Variants in PLIN1 observed in about 807,000 individuals in gnomAD.
PLIN1 encodes perilipin 1.
A neutral mutation model predicts 45.8 loss-of-function variants in PLIN1; 37 were observed. The observed-to-expected ratio is 0.81, with a 90% confidence interval of 0.62 to 1.06. The LOEUF (loss-of-function observed/expected upper bound fraction) is 1.06. Ranked by LOEUF, PLIN1 falls within the 50% of genes least tolerant of loss-of-function variation. The pLI, the probability that PLIN1 is intolerant of heterozygous loss-of-function variation, is 0.00. For missense variants in PLIN1, 776 were observed against 716.5 expected, an observed-to-expected ratio of 1.08 and a Z score of -0.95; for synonymous variants, 340 against 309.2, an observed-to-expected ratio of 1.10 and a Z score of -1.05.
Position 89,677,585 on chromosome 15 carries a change from C to T in PLIN1, c.-14-82G>A. On this transcript the variant is annotated intron_variant, in intron 1 of 8. Transcript: ENST00000300055. Reference sequence around the variant, plus strand: ...TCACTTCCCTACCTCTCATGGCCACCAACTAGGCCCAGGCTGCCTGGGGGC... The same window carrying T: ...TCACTTCCCTACCTCTCATGGCCACTAACTAGGCCCAGGCTGCCTGGGGGC... The T allele has an allele frequency of 7.7e-6, 9 of 1,161,394 alleles. No homozygotes were observed. The South Asian group carries it at 9.7e-5, about 13-fold the overall frequency. 71.9% of individuals were successfully genotyped at this position (1,161,394 alleles called of 1,614,324 possible).
In PLIN1 at chr15:89,665,748, C is replaced by A. The variant is rs778003887; in HGVS notation, c.1404G>T (p.Pro468=). Residue 468 remains proline, a synonymous_variant, in exon 9 of 9, where the codon CCG becomes CCT. Coordinates refer to ENST00000300055, the MANE Select transcript of PLIN1 (RefSeq NM_002666.5). The stretch of plus-strand genomic sequence containing the variant: ...GCGTGGCGACTTCGTCCTCCAGGCC[C>A]GGGCCGGGGGGCGCGCCGGGGCTCT... ...SAQSPGAPPG[P]GLEDEVATPA... is the part of the protein sequence containing the mutation. 5.2e-6 allele frequency: 7 copies of A among 1,350,112 alleles called. No homozygotes were observed. In the African/African-American group the frequency reaches 9.2e-5, roughly 18 times the overall value. 83.6% of individuals were successfully genotyped at this position (1,350,112 alleles called of 1,614,324 possible).
chr15:89,673,447 A>G lies in PLIN1; in HGVS notation c.46-33T>C, dbSNP rs1304988183. On this transcript the variant is annotated intron_variant, in intron 2 of 8. Coordinates refer to ENST00000300055, the MANE Select transcript of PLIN1 (RefSeq NM_002666.5). ...GGAAGGAACACATTCAAGTTGTCCCACCTCCCTCTCCAGCCTCCCGGGAAG... is the reference window on the plus strand; with the variant it reads ...GGAAGGAACACATTCAAGTTGTCCCGCCTCCCTCTCCAGCCTCCCGGGAAG... 2.0e-6 allele frequency: 3 copies of G among 1,538,288 alleles called. No homozygotes were observed. In the African/African-American group the frequency reaches 4.1e-5, roughly 21 times the overall value.
At chr15:89,666,363 A>G (rs1964340275) in intron 8 of PLIN1, among the ~76,000 whole-genome samples, 1 of 151,824 alleles carries the variant, frequency 6.6e-6, no homozygotes, top group African/African-American at 2.4e-5. Flanking sequence ...TGACTGAGTA[A>G]CCCACCCCCT....
At chr15:89,671,709 C>T in intron 3 of PLIN1, 145 bp from the exon 4 acceptor site, 1 of 711,114 alleles carries the variant, frequency 1.4e-6, no homozygotes, top group Non-Finnish European at 2.6e-6. Context: ...AGGCCCTTTG[C>T]CCTCTTTCGC....
In PLIN1 at chr15:89,667,590, T is replaced by A. The variant is rs770220023; in HGVS notation, c.963+12A>T. On this transcript the variant is annotated intron_variant, in intron 7 of 8. Coordinates refer to ENST00000300055, the MANE Select transcript of PLIN1 (RefSeq NM_002666.5). The stretch of plus-strand genomic sequence containing the variant: ...GGCTGGGGGACCTTGAGGCTCCCAC[T>A]CTCCCCCTCACCTCACTGAACTTGT... 9 of 1,613,978 alleles carry A rather than the reference T, an allele frequency of 5.6e-6. No individual in the cohort carries two copies. The highest frequency in any genetic ancestry group is 7.6e-6 in the Non-Finnish European group (9 of 1,179,954).
Position 89,677,507 on chromosome 15 carries a change from C to A in PLIN1, c.-14-4G>T. ...ACTGCCATCCTCGCTCCTCAAGCTG[C>A]AAAACAGAGTCCCAGGTCCCATCAG... On this transcript the variant is annotated splice_polypyrimidine_tract_variant and splice_region_variant and intron_variant, in intron 1 of 8. Coordinates refer to ENST00000300055, the MANE Select transcript of PLIN1 (RefSeq NM_002666.5). The A allele has an allele frequency of 6.8e-6, 11 of 1,613,652 alleles. No homozygotes were observed. The highest frequency in any genetic ancestry group is 8.5e-6 in the Non-Finnish European group (10 of 1,179,580).
intron 3 of PLIN1, among the ~76,000 whole-genome samples, 183 bp from the exon 4 acceptor site, chr15:89,671,747 C>T (rs555079400): frequency 3.3e-5 from 5 of 152,242 alleles, no homozygotes; most frequent in African/African-American, 1.2e-4. Flanking sequence ...CCTCAAGACC[C>T]GGGCCAGTTT....
In PLIN1 at chr15:89,677,519, C is replaced by T; in HGVS notation, c.-14-16G>A. On this transcript the variant is annotated splice_polypyrimidine_tract_variant and intron_variant, in intron 1 of 8. Coordinates refer to ENST00000300055, the MANE Select transcript of PLIN1 (RefSeq NM_002666.5). ...GCTCCTCAAGCTGCAAAACAGAGTC[C>T]CAGGTCCCATCAGAAGCCCTCAGGC... 6.2e-7 allele frequency: 1 copy of T among 1,612,046 alleles called. No individual in the cohort carries two copies. Among genetic ancestry groups the T allele is most frequent in the Non-Finnish European group, 8.5e-7 (1 of 1,178,170 alleles).
chr15:89,670,118 A>G lies in PLIN1; in HGVS notation c.460T>C (p.Trp154Arg), dbSNP rs1377454816. 2.5e-6 allele frequency: 4 copies of G among 1,614,030 alleles called. No homozygotes were observed. In the South Asian group the frequency reaches 4.4e-5, roughly 18 times the overall value. ...GAALAGCELA[W>R]GVARDTAEFA... ...TCCGCAGTGTCTCTGGCCACCCCCC[A>G]GGCAAGCTCGCACCCGGCCAAAGCG... Residue 154 changes from tryptophan (W) to arginine (R), a missense_variant, in exon 5 of 9, where the codon TGG becomes CGG. Coordinates refer to ENST00000300055, the MANE Select transcript of PLIN1 (RefSeq NM_002666.5).
chr15:89,667,722 T>C lies in PLIN1; in HGVS notation c.843A>G (p.Val281=). 4 of 1,576,142 alleles carry C rather than the reference T, an allele frequency of 2.5e-6. No individual in the cohort carries two copies. Among genetic ancestry groups the C allele is most frequent in the Non-Finnish European group, 3.4e-6 (4 of 1,160,940 alleles). Residue 281 remains valine (V), a synonymous_variant, in exon 7 of 9, where the codon GTA becomes GTG. Coordinates refer to ENST00000300055, the MANE Select transcript of PLIN1 (RefSeq NM_002666.5). ...CGGCTGCGAGGCTGTGCAGCCAGGG[T>C]ACCCGCACTTCGCTCCTCCGCCGGG... ...AVSRRRSEVR[V]PWLHSLAAAQ... is the part of the protein sequence containing the mutation.
chr15:89,676,215 G>A (rs1964512660), intron 2 of PLIN1, among the ~76,000 whole-genome samples: 1 of 152,060 alleles, frequency 6.6e-6, no homozygotes, highest in Non-Finnish European at 1.5e-5. Flanking sequence ...CACTAAGACA[G>A]AGCAGCCCAC....
chr15:89,677,401 C>G, intron 2 of PLIN1, 44 bp downstream of exon 2: 2 of 1,508,100 alleles, frequency 1.3e-6, no homozygotes, highest in Non-Finnish European at 1.8e-6. Context: ...TTCCTCCTCC[C>G]TCAGTTGTCC....
In PLIN1 at chr15:89,664,824, C is replaced by T; in HGVS notation, c.*759G>A. ...TTCGAAGACTAGGGTTGGGGATGAA[C>T]TGTGGCTATACATAAAGTCTATATA... On this transcript the variant is annotated 3_prime_UTR_variant, in exon 9 of 9. Transcript: ENST00000300055. The T allele has an allele frequency of 2.2e-6, 1 of 454,420 alleles. No individual in the cohort carries two copies. The highest frequency in any genetic ancestry group is 4.4e-6 in the Non-Finnish European group (1 of 226,050). The allele number at this position is 454,420 out of a possible 1,614,324, so 28.1% of individuals were successfully genotyped here.
At chr15:89,676,525 G>A (rs1213371706) in intron 2 of PLIN1, 2 of 152,302 alleles carry the variant, frequency 1.3e-5, no homozygotes, top group South Asian at 2.1e-4. Context: ...GGGATTACAG[G>A]CGTGAGCCAC....
chr15:89,677,274 C>T, intron 2 of PLIN1, 171 bp downstream of exon 2: 1 of 701,874 alleles, frequency 1.4e-6, no homozygotes, highest in South Asian at 1.6e-5. Flanking sequence ...GATCCTCCAA[C>T]TGCCCCCTAC....
chr15:89,669,774 C>G, intron 5 of PLIN1, 102 bp from the exon 6 acceptor site: 2 of 1,070,836 alleles, frequency 1.9e-6, no homozygotes, highest in Admixed American at 2.2e-5. Context: ...CTAGGTCCAC[C>G]ACAAACTCAC....
chr15:89,667,907 C>T, intron 6 of PLIN1, 114 bp from the exon 7 acceptor site: 2 of 1,476,466 alleles, frequency 1.4e-6, no homozygotes, highest in East Asian at 2.5e-5. Flanking sequence ...GAGCAGGGCT[C>T]AGCCCCAGCA....
At chr15:89,671,645 A>T (rs1964443338) in intron 3 of PLIN1, 81 bp from the exon 4 acceptor site, 1 of 1,056,330 alleles carries the variant, frequency 9.5e-7, no homozygotes, top group Non-Finnish European at 1.4e-6. Context: ...CAAGGAAGTG[A>T]CTTGGAGCCC....
rs1398568836 is a variant in PLIN1 at position 89,670,004 on chromosome 15, G to A, written c.574C>T (p.Leu192Phe). 1 of 1,612,906 alleles carries A rather than the reference G, an allele frequency of 6.2e-7. No individual in the cohort carries two copies. Among genetic ancestry groups the A allele is most frequent in the Admixed American group, 1.7e-5 (1 of 59,948 alleles). Reference sequence around the variant, plus strand: ...CCTGACTCTTCCTTGTCTGGAGGGAGGAGGTACTCCACCACCTTCTCAATG... The same window carrying A: ...CCTGACTCTTCCTTGTCTGGAGGGAAGAGGTACTCCACCACCTTCTCAATG... ...GSIEKVVEYLLPPDKEESAPA... is the reference protein window; with the variant it reads ...GSIEKVVEYLFPPDKEESAPA... Residue 192 changes from leucine (L) to phenylalanine (F), a missense_variant, in exon 5 of 9, where the codon CTC becomes TTC. Physicochemically the swap from Leu to Phe is conservative, Grantham distance 22. Transcript: ENST00000300055.
Sources: gnomAD v4.1 joint callset for allele counts (sites outside exome capture counted in the v4.1 genomes callset) on GRCh38, gnomAD v4.1.1 for gene constraint, MANE v1.5 for transcripts, NCBI Gene and HGNC (gene_info 2026-07-23, HGNC 2026-07-21) for gene names.